TBC1D2: variants seen among roughly 807,000 people sequenced by gnomAD.
TBC1D2 encodes the protein TBC1 domain family member 2A.
In TBC1D2, 58 loss-of-function variants were observed where a neutral mutation model predicts 91.1. The ratio of observed to expected loss-of-function variants is 0.64; its 90% confidence interval spans 0.52 to 0.79. TBC1D2 has a LOEUF of 0.79. Among genes scored for constraint, TBC1D2 ranks in the 30% least tolerant of loss-of-function variants. The pLI is 0.00. For synonymous variants in TBC1D2, 482 were observed against 511.5 expected, an observed-to-expected ratio of 0.94 and a Z score of 0.78; for missense variants, 1,080 against 1,208.3, an observed-to-expected ratio of 0.89 and a Z score of 1.57.
At position 98,255,326 on chromosome 9, in the gene TBC1D2, G is replaced by A. The variant is rs372758153; in HGVS notation, c.216C>T (p.Asp72=). 4.3e-6 allele frequency: 7 copies of A among 1,614,108 alleles called. No individual in the cohort carries two copies. Among genetic ancestry groups the A allele is most frequent in the African/African-American group, 1.3e-5 (1 of 74,936 alleles). ...AGTAATACAGCTGACATTTCCTTTC[G>A]TCGTAGAAGAACCAGCGGGATTTCC... The part of the protein sequence containing the change: ...RGWKSRWFFY[D]ERKCQLYYSR... The change falls in exon 1 of 13, where the codon GAC becomes GAT. Residue 72 remains aspartate (D), a synonymous_variant. Transcript: ENST00000465784.
rs998113665 is a variant in TBC1D2, at chr9:98,228,403, T to C, written c.978+549A>G. Among the ~76,000 whole-genome samples the C allele has an allele frequency of 5.9e-5, 9 of 152,266 alleles. No individual in the cohort carries two copies. Among genetic ancestry groups the C allele is most frequent in the Non-Finnish European group, 8.8e-5 (6 of 68,046 alleles). The stretch of plus-strand genomic sequence containing the variant: ...AGATCTGTTTTCTACAATTATTATA[T>C]AGCTCTTGTAACTCTCGTAATTAAC... On this transcript the variant is annotated intron_variant, in intron 5 of 12. Coordinates refer to ENST00000465784, the MANE Select transcript of TBC1D2 (RefSeq NM_001267571.2). The surrounding 1 kb of genome is among the most constrained non-coding windows in gnomAD (Gnocchi z 4.0).
At chr9:98,229,632 C>A (rs1829320495) in intron 4 of TBC1D2, among the ~76,000 whole-genome samples, 1 of 152,268 alleles carries the variant, frequency 6.6e-6, no homozygotes, top group East Asian at 1.9e-4. Flanking sequence ...AATGTCTGTA[C>A]TCTGCATTCT....
At chr9:98,203,102 T>G (rs146529888) in intron 10 of TBC1D2, among the ~76,000 whole-genome samples, 186 bp downstream of exon 10, 8 of 152,380 alleles carry the variant, frequency 5.3e-5, no homozygotes, top group African/African-American at 1.9e-4. Context: ...CTGAGAATAA[T>G]AATCCCCGAT....
chr9:98,250,472 AG>A (rs1829849450), intron 2 of TBC1D2, among the ~76,000 whole-genome samples: 1 of 151,064 alleles, frequency 6.6e-6, no homozygotes, highest in Admixed American at 6.6e-5. Context: ...GCAGCGAGAA[AG>A]GCCTGGGTCT....
chr9:98,222,592 A>T (rs1001384385), intron 5 of TBC1D2, among the ~76,000 whole-genome samples: 10 of 152,170 alleles, frequency 6.6e-5, no homozygotes, highest in Non-Finnish European at 1.3e-4. Context: ...CCACGCCTGG[A>T]CTCAGGCCTA....
chr9:98,254,319 T>A (rs540458271), intron 1 of TBC1D2, among the ~76,000 whole-genome samples: 2 of 152,366 alleles, frequency 1.3e-5, no homozygotes, highest in South Asian at 4.1e-4. Context: ...CATCACCTTG[T>A]GTGTGCATGT....
chr9:98,254,168 G>T (rs1378095168), intron 1 of TBC1D2, among the ~76,000 whole-genome samples: 2 of 152,150 alleles, frequency 1.3e-5, no homozygotes, highest in East Asian at 3.9e-4. Context: ...GGTTGGAGGG[G>T]TGGACAGATG....
In TBC1D2 at chr9:98,229,122, G is replaced by C. The variant is rs1453671663; in HGVS notation, c.808C>G (p.Pro270Ala). Reference sequence around the variant, plus strand: ...ATGGTCAGAGAAGGCTTGGGTGCAGGCTTTGGAGAATCCTCTGGCTCTCTC... The same window carrying C: ...ATGGTCAGAGAAGGCTTGGGTGCAGCCTTTGGAGAATCCTCTGGCTCTCTC... ...PGREPEDSPK[P>A]APKPSLTISF... Residue 270 changes from proline (P) to alanine (A), a missense_variant, in exon 5 of 13, where the codon CCT becomes GCT. Coordinates refer to ENST00000465784, the MANE Select transcript of TBC1D2 (RefSeq NM_001267571.2). 6.2e-7 allele frequency: 1 copy of C among 1,614,096 alleles called. No individual in the cohort carries two copies. Among genetic ancestry groups the C allele is most frequent in the Non-Finnish European group, 8.5e-7 (1 of 1,180,050 alleles).
At chr9:98,209,747 CTTCCTTCCT>C (rs1011123039) in intron 8 of TBC1D2, among the ~76,000 whole-genome samples, 22 of 124,320 alleles carry the variant, frequency 1.8e-4, no homozygotes, top group African/African-American at 4.1e-4. Flanking sequence ...CTTTCCTTTC[CTTCCTTCCT>C]TTCCTTCCTT....
chr9:98,243,543 T>C (rs1416684997), intron 3 of TBC1D2, among the ~76,000 whole-genome samples: 1 of 143,574 alleles, frequency 7.0e-6, no homozygotes, highest in East Asian at 1.9e-4. Context: ...TATTTTTTTT[T>C]TTTTTTTTTT....
intron 3 of TBC1D2, among the ~76,000 whole-genome samples, chr9:98,241,281 A>G (rs961556264): frequency 6.6e-6 from 1 of 152,166 alleles, no homozygotes; most frequent in Non-Finnish European, 1.5e-5. Context: ...GGACTTAACC[A>G]TGTGATGATA....
intron 11 of TBC1D2, 134 bp from the exon 12 acceptor site, chr9:98,200,508 A>AT (rs1828464162): frequency 2.7e-6 from 1 of 375,832 alleles, no homozygotes; most frequent in South Asian, 2.4e-5. Flanking sequence ...TGGAGGCACA[A>AT]TGTGTGGGGA....
At chr9:98,220,124 C>G (rs1459970707) in intron 6 of TBC1D2, among the ~76,000 whole-genome samples, 2 of 152,234 alleles carry the variant, frequency 1.3e-5, no homozygotes, top group Non-Finnish European at 2.9e-5. Context: ...GTGGCAGCAG[C>G]TAGAAGCGGC....
intron 9 of TBC1D2, 39 bp from the exon 10 acceptor site, chr9:98,203,447 C>A (rs369494626): frequency 6.2e-7 from 1 of 1,609,308 alleles, no homozygotes; most frequent in Non-Finnish European, 8.5e-7. Flanking sequence ...TTACAGAAGC[C>A]GTGGCCCTGC....
chr9:98,227,242 G>T (rs1412793813), intron 5 of TBC1D2, among the ~76,000 whole-genome samples: 1 of 152,184 alleles, frequency 6.6e-6, no homozygotes, highest in East Asian at 1.9e-4. Flanking sequence ...TACACATTTG[G>T]GTGTTGCTTT....
rs758253431 is a variant in TBC1D2 at position 98,199,357 on chromosome 9, C to T, written c.*24G>A. The T allele has an allele frequency of 5.6e-6, 9 of 1,611,782 alleles. No homozygotes were observed. Among genetic ancestry groups the T allele is most frequent in the Non-Finnish European group, 7.6e-6 (9 of 1,179,642 alleles). On this transcript the variant is annotated 3_prime_UTR_variant, in exon 13 of 13. Coordinates refer to ENST00000465784, the MANE Select transcript of TBC1D2 (RefSeq NM_001267571.2). ...GTCTGCCAGCCAAGGGTGAGGAAGG[C>T]TGTGGGGAGGGGAGGTGGCCAAGTC...
intron 3 of TBC1D2, among the ~76,000 whole-genome samples, chr9:98,236,308 C>G (rs140811893): frequency 3.2e-4 from 48 of 152,054 alleles, no homozygotes; most frequent in African/African-American, 1.1e-3. Context: ...ACTGCAACCT[C>G]CACCTCCCAG....
chr9:98,223,363 G>A (rs537580905), intron 5 of TBC1D2, among the ~76,000 whole-genome samples: 2 of 152,314 alleles, frequency 1.3e-5, no homozygotes, highest in South Asian at 4.1e-4. Context: ...GGGAGCCCTG[G>A]GGTGTGGCAG....
At chr9:98,225,561 C>A (rs1342140) in intron 5 of TBC1D2, among the ~76,000 whole-genome samples, 141,865 of 152,278 alleles carry the variant, frequency 0.93, 66,171 homozygotes, top group East Asian at 1. Context: ...CAGCTGCCTG[C>A]GCATGGGCAA....
Sources: gnomAD v4.1 joint callset for allele counts (sites outside exome capture counted in the v4.1 genomes callset) on GRCh38, gnomAD v4.1.1 for gene constraint, Gnocchi (gnomAD v3.1) non-coding constraint, MANE v1.5 for transcripts, NCBI Gene and HGNC (gene_info 2026-07-23, HGNC 2026-07-21) for gene names.